The following CHD2 variants were observed in gnomAD, a reference collection of about 807,000 sequenced individuals.
CHD2 encodes the protein chromodomain helicase DNA binding protein 2.
A neutral mutation model predicts 243.9 loss-of-function variants in CHD2; 28 were observed. The observed-to-expected ratio is 0.11, with a 90% CI of 0.09 to 0.16. The LOEUF is 0.16. Among genes scored for constraint, CHD2 ranks in the 10% least tolerant of loss-of-function variants. The pLI, the probability that CHD2 is intolerant of heterozygous loss-of-function variation, is 1.00. For synonymous variants in CHD2, 775 were observed against 779.0 expected, an observed-to-expected ratio of 0.99 and a Z score of 0.09; for missense variants, 1,386 against 2,209.8, an observed-to-expected ratio of 0.63 and a Z score of 7.47.
intron 24 of CHD2, 95 bp from the exon 25 acceptor site, chr15:92,984,234 CA>C (rs1229300342): frequency 4.2e-5 from 38 of 897,116 alleles, no homozygotes; most frequent in Admixed American, 2.4e-4. Context: ...TCCTATTATT[CA>C]CAGTGTCTAC....
chr15:93,024,682 A>G lies in CHD2; in HGVS notation c.5464A>G (p.Asn1822Asp). ...SLEQKNNPDY[N>D]WNVRKT The stretch of plus-strand genomic sequence containing the variant: ...AGAACAGAAAAACAACCCAGATTAT[A>G]ACTGGAATGTTCGGAAAACATAAAG... The change falls in exon 39 of 39, where the codon AAC becomes GAC. Residue 1822 changes from asparagine (N) to aspartate (D), a missense_variant. Transcript: ENST00000394196. 6.2e-7 allele frequency: 1 copy of G among 1,611,968 alleles called. No individual in the cohort carries two copies. Among genetic ancestry groups the G allele is most frequent in the Non-Finnish European group, 8.5e-7 (1 of 1,178,826 alleles).
At position 92,998,781 on chromosome 15, in the gene CHD2, A is replaced by C. The variant is rs1034142415; in HGVS notation, c.4008+160A>C. Among the ~76,000 whole-genome samples, 7 of 152,048 alleles carry C rather than the reference A, an allele frequency of 4.6e-5. No individual in the cohort carries two copies. The highest frequency in any genetic ancestry group is 1.7e-4 in the African/African-American group (7 of 41,400). On this transcript the variant is annotated intron_variant, in intron 31 of 38. Coordinates refer to ENST00000394196, the MANE Select transcript of CHD2 (RefSeq NM_001271.4). The surrounding 1 kb of genome is among the most constrained non-coding windows in gnomAD (Gnocchi z 5.1). Reference sequence around the variant, plus strand: ...TTCCAGTAATGATGCTTTGCTTGGTAATAATAGAAATGTTCATTTAGGCCT... The same window carrying C: ...TTCCAGTAATGATGCTTTGCTTGGTCATAATAGAAATGTTCATTTAGGCCT...
intron 2 of CHD2, among the ~76,000 whole-genome samples, chr15:92,920,952 A>G (rs2052943400): frequency 6.6e-6 from 1 of 152,162 alleles, no homozygotes; most frequent in Admixed American, 6.5e-5. Context: ...GAGGCAAGGT[A>G]GTGTAGATGT....
Position 92,961,876 on chromosome 15 carries a change from C to CTTTTTTTTTTTTT in CHD2, c.2000+5238_2000+5250dup, listed in dbSNP as rs3064790. On this transcript the variant is annotated intron_variant, in intron 16 of 38. Coordinates refer to ENST00000394196, the MANE Select transcript of CHD2 (RefSeq NM_001271.4). ...GGTTTCTTCCTCTGTTTTTTCTTCTCTTTTTTTTTTTTTTTTTTTTTTTGA... is the reference window on the plus strand; with the variant it reads ...GGTTTCTTCCTCTGTTTTTTCTTCTCTTTTTTTTTTTTTTTTTTTTTTTTTTTTTTTTTTTTGA... 1.0e-3 allele frequency among the ~76,000 whole-genome samples: 80 copies of CTTTTTTTTTTTTT among 78,608 alleles called. 2 individuals carry two copies. The highest frequency in any genetic ancestry group is 7.6e-3 in the Middle Eastern group (1 of 132). The allele number at this position is 78,608 out of a possible 152,430, so 51.6% of individuals were successfully genotyped here.
At chr15:92,902,503 T>C (rs1462955310) in intron 2 of CHD2, 5 of 236,324 alleles carry the variant, frequency 2.1e-5, no homozygotes, top group African/African-American at 4.5e-5. Context: ...TTGAAAGTTT[T>C]GAACATGATG....
At chr15:93,009,048 A>AGG in intron 34 of CHD2, 97 bp from the exon 35 acceptor site, 16 of 1,256,180 alleles carry the variant, frequency 1.3e-5, no homozygotes, top group Non-Finnish European at 1.8e-5. Flanking sequence ...TATATGGCAT[A>AGG]GGGGTGGGCT....
At chr15:92,929,393 A>C (rs913942452) in intron 5 of CHD2, among the ~76,000 whole-genome samples, 1 of 152,204 alleles carries the variant, frequency 6.6e-6, no homozygotes, top group Non-Finnish European at 1.5e-5. Context: ...TCAGAAAAAT[A>C]TGTATAAATA....
At chr15:93,017,078 G>A (rs1656111427) in intron 37 of CHD2, among the ~76,000 whole-genome samples, 1 of 152,234 alleles carries the variant, frequency 6.6e-6, no homozygotes, top group South Asian at 2.1e-4. Flanking sequence ...CGATTGCTAA[G>A]AGTGTGAATT....
rs1218098718 is a variant in CHD2 at position 92,905,083 on chromosome 15, T to C, written c.62+3784T>C. 5.4e-6 allele frequency: 7 copies of C among 1,293,586 alleles called. No homozygotes were observed. In the East Asian group the frequency reaches 1.5e-4, roughly 28 times the overall value. 80.1% of individuals were successfully genotyped at this position (1,293,586 alleles called of 1,614,324 possible). ...TAGTAGAAAATAGAAAATTTCACGT[T>C]CAATAACATTAAAAAGTGGCAGAAT... On this transcript the variant is annotated intron_variant, in intron 2 of 38. Coordinates refer to ENST00000394196, the MANE Select transcript of CHD2 (RefSeq NM_001271.4).
rs1432566861 is a variant in CHD2 at position 92,997,433 on chromosome 15, TAGA to T, written c.3885+34_3885+36del. 9 of 1,515,680 alleles carry T rather than the reference TAGA, an allele frequency of 5.9e-6. No individual in the cohort carries two copies. The highest frequency in any genetic ancestry group is 5.6e-5 in the African/African-American group (4 of 71,270). The allele number at this position is 1,515,680 out of a possible 1,614,324, so 93.9% of individuals were successfully genotyped here. A position where few individuals can be genotyped will look rare whatever the true frequency, so the allele number is the denominator to read the frequency against. On this transcript the variant is annotated intron_variant, in intron 30 of 38. Coordinates refer to ENST00000394196, the MANE Select transcript of CHD2 (RefSeq NM_001271.4). This position sits in a 1 kb window ranked among gnomAD's most constrained non-coding sequence, Gnocchi z 4.1. Reference sequence around the variant, plus strand: ...GTAACCCTACCATGCTAGAGATTTCTAGAAGATTTGTTGTGTAATATTTTTATA... The same window carrying T: ...GTAACCCTACCATGCTAGAGATTTCTAGATTTGTTGTGTAATATTTTTATA...
At position 92,998,470 on chromosome 15, in the gene CHD2, C is replaced by T. The variant is rs762267259; in HGVS notation, c.3886-29C>T. On this transcript the variant is annotated intron_variant, in intron 30 of 38. Transcript: ENST00000394196. The surrounding 1 kb of genome is among the most constrained non-coding windows in gnomAD (Gnocchi z 5.1). ...CCACTAACCAGGATGTGGGTGGTGG[C>T]GGGTGCTTCTCTTCCTTTCTTGTTG... 5.0e-6 allele frequency: 8 copies of T among 1,612,454 alleles called. No homozygotes were observed. The highest frequency in any genetic ancestry group is 2.7e-5 in the African/African-American group (2 of 75,000).
intron 2 of CHD2, among the ~76,000 whole-genome samples, chr15:92,903,351 G>A (rs2052557568): frequency 6.6e-6 from 1 of 152,124 alleles, no homozygotes; most frequent in African/African-American, 2.4e-5. Flanking sequence ...TTTGCAGCCT[G>A]AGCCACAGAA....
At chr15:92,942,028 T>G in intron 8 of CHD2, 73 bp downstream of exon 8, 1 of 1,418,442 alleles carries the variant, frequency 7.0e-7, no homozygotes, top group South Asian at 1.3e-5. Flanking sequence ...ATTTTAACTC[T>G]AATGTGATGA....
intron 12 of CHD2, chr15:92,946,423 A>G (rs919439053): frequency 2.5e-6 from 1 of 392,236 alleles, no homozygotes; most frequent in Admixed American, 4.2e-5. Flanking sequence ...TGCAATTTAC[A>G]TAATTAGAAA....
chr15:92,923,418 AC>A (rs2052997450), intron 2 of CHD2, among the ~76,000 whole-genome samples: 1 of 151,848 alleles, frequency 6.6e-6, no homozygotes, highest in African/African-American at 2.4e-5. Flanking sequence ...GCACCATCAT[AC>A]CCAGCTAATT....
rs142002358 is a variant in CHD2, at chr15:92,984,523, A to G, written c.3237+23A>G. 2.8e-5 allele frequency: 45 copies of G among 1,592,680 alleles called. No homozygotes were observed. In the Middle Eastern group the frequency reaches 5.0e-4, roughly 18 times the overall value. ...AAGGTGATCAAGTGAGATGAAAGAT[A>G]TGAAATTATTTCTTATGTTGTGAAT... is the stretch of plus-strand genomic sequence containing the variant. On this transcript the variant is annotated intron_variant, in intron 25 of 38. Transcript: ENST00000394196.
At chr15:92,994,368 TTC>T (rs1209120548) in intron 28 of CHD2, among the ~76,000 whole-genome samples, 2 of 152,258 alleles carry the variant, frequency 1.3e-5, no homozygotes, top group African/African-American at 4.8e-5. Flanking sequence ...CTTTGAAATT[TTC>T]TTTTTTTCTT....
chr15:92,961,876 CTTTTTTTTTTT>C (rs3064790), intron 16 of CHD2, among the ~76,000 whole-genome samples: 7 of 78,634 alleles, frequency 8.9e-5, no homozygotes, highest in East Asian at 5.7e-4. Flanking sequence ...TTTTTCTTCT[CTTTTTTTTTTT>C]TTTTTTTTTT....
intron 18 of CHD2, 145 bp from the exon 19 acceptor site, chr15:92,972,120 A>G (rs2053849302): frequency 9.7e-7 from 1 of 1,033,676 alleles, no homozygotes; most frequent in East Asian, 2.6e-5. Context: ...TGGGAAAAAG[A>G]ACATTTCGGG....
Sources: allele counts gnomAD v4.1 joint callset (sites outside exome capture counted in the v4.1 genomes callset), GRCh38; gene constraint gnomAD v4.1.1; non-coding constraint Gnocchi (gnomAD v3.1); transcripts MANE v1.5; gene names NCBI Gene and HGNC (gene_info 2026-07-23, HGNC 2026-07-21).